EMCN: variants seen among roughly 807,000 people sequenced by gnomAD.
EMCN encodes the protein MUC-14.
A neutral mutation model predicts 38.4 loss-of-function variants in EMCN; 37 were observed. The ratio of observed to expected loss-of-function variants is 0.96; its 90% CI spans 0.74 to 1.27. The LOEUF is 1.27. EMCN is among the 50% of genes most tolerant of loss of function. EMCN has a pLI of 0.00. For missense variants in EMCN, 318 were observed against 302.8 expected, an observed-to-expected ratio of 1.05 and a Z score of -0.37; for synonymous variants, 95 against 100.8, an observed-to-expected ratio of 0.94 and a Z score of 0.35.
chr4:100,471,964 A>C (rs1056834576), intron 3 of EMCN, among the ~76,000 whole-genome samples: 1 of 152,030 alleles, frequency 6.6e-6, no homozygotes, highest in Non-Finnish European at 1.5e-5. Context: ...AAAACTCATA[A>C]TTAACATCAT....
chr4:100,407,629 G>T (rs1726431265), intron 11 of EMCN, among the ~76,000 whole-genome samples: 1 of 152,078 alleles, frequency 6.6e-6, no homozygotes, highest in African/African-American at 2.4e-5. Flanking sequence ...AGGTTGACCT[G>T]CTCATTCTCC....
chr4:100,465,315 A>G (rs553785485), intron 4 of EMCN, 108 bp downstream of exon 4: 28 of 636,484 alleles, frequency 4.4e-5, no homozygotes, highest in South Asian at 2.7e-4. Flanking sequence ...ATTAAGAGAC[A>G]ATTTAAGCAG....
chr4:100,409,213 G>A lies in EMCN; in HGVS notation c.*39+1069C>T, dbSNP rs1053671275. 1.6e-4 allele frequency among the ~76,000 whole-genome samples: 23 copies of A among 139,914 alleles called. 1 individual carries two copies. Among genetic ancestry groups the A allele is most frequent in the East Asian group, 7.3e-4 (2 of 2,742 alleles). 91.8% of individuals were successfully genotyped at this position (139,914 alleles called of 152,430 possible). On this transcript the variant is annotated intron_variant, in intron 11 of 11. Coordinates refer to ENST00000296420, the MANE Select transcript of EMCN (RefSeq NM_016242.4). ...TTGTGGTCAGGCCAATTCTGGACAC[G>A]TATTTATTTTATTTTATTTTATTTT... is the stretch of plus-strand genomic sequence containing the variant.
Position 100,425,804 on chromosome 4 carries a change from G to A in EMCN, c.416-2400C>T, listed in dbSNP as rs376811329. 8.5e-5 allele frequency among the ~76,000 whole-genome samples: 13 copies of A among 152,160 alleles called. No homozygotes were observed. In the South Asian group the frequency reaches 1.7e-3, roughly 19 times the overall value. Reference sequence around the variant, plus strand: ...AAATATATGAACTTCAGCCACTTCTGTGTTTTCACATGCTTCTTTGCTCTA... The same window carrying A: ...AAATATATGAACTTCAGCCACTTCTATGTTTTCACATGCTTCTTTGCTCTA... On this transcript the variant is annotated intron_variant, in intron 5 of 11. Coordinates refer to ENST00000296420, the MANE Select transcript of EMCN (RefSeq NM_016242.4).
intron 1 of EMCN, among the ~76,000 whole-genome samples, chr4:100,516,428 A>G (rs1254325833): frequency 6.6e-6 from 1 of 152,054 alleles, no homozygotes; most frequent in Admixed American, 6.6e-5. Context: ...CAGACTTTAT[A>G]CTAATCTGAC....
chr4:100,494,947 A>AT lies in EMCN; in HGVS notation c.65-14909dup, dbSNP rs200762904. On this transcript the variant is annotated intron_variant, in intron 1 of 11. Transcript: ENST00000296420. ...ACCTACCAAGATTTTAATTAACTGT[A>AT]TTTTTTTTGTCATCCATGAAGGAAG... Among the ~76,000 whole-genome samples, 983 of 151,770 alleles carry AT rather than the reference A, an allele frequency of 6.5e-3. 9 individuals are homozygous for AT. The highest frequency in any genetic ancestry group is 0.021 in the African/African-American group (869 of 41,430).
chr4:100,481,842 T>TTTCC (rs760339134), intron 1 of EMCN, among the ~76,000 whole-genome samples: 89 of 151,832 alleles, frequency 5.9e-4, no homozygotes, highest in African/African-American at 2.1e-3. Flanking sequence ...TTAGAGATGT[T>TTTCC]TTCCTTCCTT....
chr4:100,478,435 G>A (rs984273443), intron 2 of EMCN, among the ~76,000 whole-genome samples: 2 of 152,094 alleles, frequency 1.3e-5, no homozygotes, highest in Non-Finnish European at 2.9e-5. Context: ...TGATGGCATG[G>A]TAGCTTTGTG....
chr4:100,406,826 G>C (rs935826288), intron 11 of EMCN, among the ~76,000 whole-genome samples: 2 of 152,046 alleles, frequency 1.3e-5, no homozygotes, highest in Admixed American at 1.3e-4. Flanking sequence ...ATCATCAGTG[G>C]GGTGTTGAAA....
chr4:100,434,131 A>G (rs1727281948), intron 5 of EMCN, among the ~76,000 whole-genome samples: 1 of 152,098 alleles, frequency 6.6e-6, no homozygotes, highest in African/African-American at 2.4e-5. Context: ...TATCTAGACT[A>G]ATAAAGAAGA....
At chr4:100,420,886 T>A (rs1201025875) in intron 8 of EMCN, among the ~76,000 whole-genome samples, 1 of 152,010 alleles carries the variant, frequency 6.6e-6, no homozygotes, top group African/African-American at 2.4e-5. Flanking sequence ...ACGGGACATT[T>A]TTTGAGATTA....
At chr4:100,516,872 G>C (rs569912487) in intron 1 of EMCN, among the ~76,000 whole-genome samples, 1 of 151,904 alleles carries the variant, frequency 6.6e-6, no homozygotes, top group African/African-American at 2.4e-5. Context: ...TTCCCCCCAA[G>C]ACCCCTCAGA....
chr4:100,481,976 A>G (rs953951203), intron 1 of EMCN, among the ~76,000 whole-genome samples: 9 of 145,624 alleles, frequency 6.2e-5, no homozygotes, highest in African/African-American at 7.7e-5. Flanking sequence ...TTCTCCCTCA[A>G]TATTTATTGA....
At chr4:100,490,491 C>T (rs1729050708) in intron 1 of EMCN, among the ~76,000 whole-genome samples, 1 of 152,178 alleles carries the variant, frequency 6.6e-6, no homozygotes, top group Non-Finnish European at 1.5e-5. Context: ...CACTGACTCA[C>T]CCAGGGCAAC....
At chr4:100,447,394 T>G (rs1727702377) in intron 5 of EMCN, 139 bp downstream of exon 5, 1 of 643,812 alleles carries the variant, frequency 1.6e-6, no homozygotes, top group African/African-American at 1.8e-5. Context: ...CTCAAGTTTT[T>G]CTAAACATTT....
intron 3 of EMCN, among the ~76,000 whole-genome samples, chr4:100,467,043 G>A (rs1028653092): frequency 2.0e-4 from 31 of 152,032 alleles, no homozygotes; most frequent in African/African-American, 6.8e-4. Context: ...AATATGCAAA[G>A]AAAGGAGAAA....
chr4:100,510,430 T>C (rs2110310228), intron 1 of EMCN, among the ~76,000 whole-genome samples: 1 of 152,332 alleles, frequency 6.6e-6, no homozygotes, highest in East Asian at 1.9e-4. Flanking sequence ...CATTTTTCAC[T>C]TTGCGAGAAT....
intron 4 of EMCN, among the ~76,000 whole-genome samples, chr4:100,464,423 A>G (rs532833139): frequency 3.0e-4 from 46 of 152,186 alleles, no homozygotes; most frequent in Middle Eastern, 3.5e-3. Context: ...ACCTCTGGCT[A>G]TAATGTTGAA....
At chr4:100,506,387 T>C (rs1729480292) in intron 1 of EMCN, among the ~76,000 whole-genome samples, 1 of 152,096 alleles carries the variant, frequency 6.6e-6, no homozygotes, top group Non-Finnish European at 1.5e-5. Context: ...ACCCTACAGC[T>C]ACTATGAAAT....
Sources: allele counts gnomAD v4.1 joint callset (sites outside exome capture counted in the v4.1 genomes callset), GRCh38; gene constraint gnomAD v4.1.1; transcripts MANE v1.5; gene names NCBI Gene and HGNC (gene_info 2026-07-23, HGNC 2026-07-21).